Variants in NFX1 observed in about 807,000 individuals in gnomAD.
The protein encoded by NFX1 is nuclear transcription factor, X-box binding 1, also known as transcriptional repressor NF-X1.
A neutral mutation model predicts 137.2 loss-of-function variants in NFX1; 69 were observed. The observed-to-expected ratio is 0.50, with a 90% CI of 0.41 to 0.61. NFX1 has a LOEUF of 0.61. Among genes scored for constraint, NFX1 ranks in the 20% least tolerant of loss-of-function variants. The probability of loss-of-function intolerance (pLI) is 0.00; values close to 1 mark genes in which losing one functional copy is unlikely to be tolerated. For missense variants in NFX1, 1,167 were observed against 1,391.0 expected, an observed-to-expected ratio of 0.84 and a Z score of 2.56; for synonymous variants, 495 against 474.1, an observed-to-expected ratio of 1.04 and a Z score of -0.57.
chr9:33,335,227 CTT>C lies in NFX1; in HGVS notation c.2035+2744_2035+2745del, dbSNP rs57459026. Among the ~76,000 whole-genome samples the C allele has an allele frequency of 4.7e-3, 613 of 130,406 alleles. 1 individual carries two copies. The highest frequency in any genetic ancestry group is 0.019 in the African/African-American group (587 of 31,084). 85.6% of individuals were successfully genotyped at this position (130,406 alleles called of 152,430 possible). On this transcript the variant is annotated intron_variant, in intron 11 of 23. Coordinates refer to ENST00000379540, the MANE Select transcript of NFX1 (RefSeq NM_002504.6). ...TCTTCTCTATTTTATCTTTCTTTTT[CTT>C]TTTTTTTTTTTTTTTTTTGAGACGG...
intron 13 of NFX1, 79 bp downstream of exon 13, chr9:33,342,933 C>G: frequency 1.1e-6 from 1 of 945,714 alleles, no homozygotes; most frequent in Non-Finnish European, 1.6e-6. Context: ...GATTGATTTA[C>G]TTAGAATTGT....
At chr9:33,339,519 A>G (rs1013564677) in intron 12 of NFX1, among the ~76,000 whole-genome samples, 1 of 152,170 alleles carries the variant, frequency 6.6e-6, no homozygotes, top group Non-Finnish European at 1.5e-5. Flanking sequence ...ACACAGCCAA[A>G]CTATATCATT....
chr9:33,346,372 T>C (rs912712894), intron 14 of NFX1, among the ~76,000 whole-genome samples: 5 of 152,164 alleles, frequency 3.3e-5, no homozygotes, highest in African/African-American at 1.2e-4. Flanking sequence ...GTGTCAGACA[T>C]AGAGGGAACT....
At chr9:33,339,466 C>G (rs1157640151) in intron 12 of NFX1, among the ~76,000 whole-genome samples, 1 of 152,162 alleles carries the variant, frequency 6.6e-6, no homozygotes, top group Non-Finnish European at 1.5e-5. Flanking sequence ...CCACCAGGTC[C>G]CTCCCACAAC....
intron 13 of NFX1, among the ~76,000 whole-genome samples, chr9:33,343,582 C>T (rs1823303814): frequency 6.6e-6 from 1 of 152,126 alleles, no homozygotes. Flanking sequence ...AAAATTCAAC[C>T]TCATTTTAGA....
intron 9 of NFX1, among the ~76,000 whole-genome samples, chr9:33,322,500 C>T (rs1277591353): frequency 2.0e-5 from 3 of 152,136 alleles, no homozygotes; most frequent in African/African-American, 7.2e-5. Context: ...GTTGAAGAGG[C>T]TGAAATTCTG....
chr9:33,367,978 A>G (rs1398589035), intron 23 of NFX1, among the ~76,000 whole-genome samples: 1 of 152,350 alleles, frequency 6.6e-6, no homozygotes, highest in East Asian at 1.9e-4. Context: ...TCACGCCTGT[A>G]ATCCCAGCAC....
At chr9:33,331,317 T>G (rs1039319648) in intron 10 of NFX1, among the ~76,000 whole-genome samples, 18 of 152,240 alleles carry the variant, frequency 1.2e-4, no homozygotes, top group Non-Finnish European at 2.2e-4. Context: ...TTCTTAAAAC[T>G]TCAAAGGTTG....
intron 9 of NFX1, among the ~76,000 whole-genome samples, chr9:33,322,840 A>G (rs1822437583): frequency 6.6e-6 from 1 of 152,200 alleles, no homozygotes; most frequent in African/African-American, 2.4e-5. Flanking sequence ...GAAAATGATA[A>G]CATACCTTAA....
At chr9:33,327,018 A>G (rs1024709410) in intron 9 of NFX1, among the ~76,000 whole-genome samples, 3 of 152,338 alleles carry the variant, frequency 2.0e-5, no homozygotes, top group Non-Finnish European at 4.4e-5. Flanking sequence ...TAATTAAGGG[A>G]ATTACACTAT....
At chr9:33,330,345 G>A (rs769937776) in intron 10 of NFX1, among the ~76,000 whole-genome samples, 1 of 152,092 alleles carries the variant, frequency 6.6e-6, no homozygotes, top group Non-Finnish European at 1.5e-5. Flanking sequence ...TCCATAAATG[G>A]GAAGCTAGTT....
chr9:33,325,030 T>C (rs1165946226), intron 9 of NFX1, among the ~76,000 whole-genome samples: 1 of 152,056 alleles, frequency 6.6e-6, no homozygotes, highest in African/African-American at 2.4e-5. Context: ...CACCTTTAAC[T>C]GTATCAGTGT....
chr9:33,344,575 T>C (rs1587862017), intron 14 of NFX1, among the ~76,000 whole-genome samples: 1 of 152,178 alleles, frequency 6.6e-6, no homozygotes, highest in South Asian at 2.1e-4. Context: ...ATTAAGAAAA[T>C]AGAGGCCAGG....
At chr9:33,332,368 G>A (rs1822838456) in intron 10 of NFX1, 104 bp from the exon 11 acceptor site, 1 of 1,103,998 alleles carries the variant, frequency 9.1e-7, no homozygotes, top group South Asian at 1.4e-5. Context: ...TATCAGAGAA[G>A]TATGGGATAT....
chr9:33,364,233 G>A, intron 20 of NFX1, 125 bp downstream of exon 20: 1 of 608,450 alleles, frequency 1.6e-6, no homozygotes, highest in Non-Finnish European at 2.8e-6. Context: ...TTTATCTATT[G>A]TAAGAGATTA....
At chr9:33,352,834 C>A in intron 17 of NFX1, 115 bp downstream of exon 17, 1 of 686,992 alleles carries the variant, frequency 1.5e-6, no homozygotes, top group South Asian at 1.7e-5. Flanking sequence ...GAAACGAAGT[C>A]TGTAACTGTT....
At chr9:33,320,939 AG>A (rs1370008755) in intron 9 of NFX1, among the ~76,000 whole-genome samples, 3 of 152,182 alleles carry the variant, frequency 2.0e-5, no homozygotes, top group African/African-American at 7.2e-5. Flanking sequence ...TTGTGTATAG[AG>A]GAGAAGTGCT....
chr9:33,311,815 T>G (rs932054587), intron 6 of NFX1, among the ~76,000 whole-genome samples: 1 of 152,102 alleles, frequency 6.6e-6, no homozygotes, highest in Admixed American at 6.5e-5. Context: ...CCTCCCAAAG[T>G]GTTGGGATTA....
chr9:33,336,865 G>A (rs1301327625), intron 11 of NFX1, among the ~76,000 whole-genome samples: 1 of 152,176 alleles, frequency 6.6e-6, no homozygotes, highest in Non-Finnish European at 1.5e-5. Context: ...ACTTTGGGAG[G>A]CCAAGGCAGG....
Sources: gnomAD v4.1 joint callset for allele counts (sites outside exome capture counted in the v4.1 genomes callset) on GRCh38, gnomAD v4.1.1 for gene constraint, MANE v1.5 for transcripts, NCBI Gene and HGNC (gene_info 2026-07-23, HGNC 2026-07-21) for gene names.